Variants in SUMF1 observed in about 807,000 individuals in gnomAD.
The protein encoded by SUMF1 is sulfatase modifying factor 1, also known as formylglycine-generating enzyme.
A neutral mutation model predicts 47.6 loss-of-function variants in SUMF1; 48 were observed. The observed-to-expected ratio is 1.01, with a 90% CI of 0.80 to 1.28. SUMF1 has a LOEUF of 1.28. Ranked by LOEUF, SUMF1 falls within the 50% of genes most tolerant of loss-of-function variation. The pLI is 0.00. For synonymous variants in SUMF1, 230 were observed against 192.1 expected, an observed-to-expected ratio of 1.20 and a Z score of -1.63; for missense variants, 571 against 485.4, an observed-to-expected ratio of 1.18 and a Z score of -1.66.
intron 8 of SUMF1, among the ~76,000 whole-genome samples, chr3:4,202,684 G>C (rs1695566093): frequency 6.6e-6 from 1 of 151,936 alleles, no homozygotes; most frequent in African/African-American, 2.4e-5. Context: ...TGAATCTGTA[G>C]ATTGCTTTGA....
intron 8 of SUMF1, among the ~76,000 whole-genome samples, chr3:4,124,329 TAGG>T (rs1258181290): frequency 6.6e-6 from 1 of 152,142 alleles, no homozygotes; most frequent in Admixed American, 6.5e-5. Flanking sequence ...TCTTGGAAAG[TAGG>T]AGAAGATAAT....
At chr3:4,137,761 C>T (rs1693976160) in intron 8 of SUMF1, among the ~76,000 whole-genome samples, 1 of 152,092 alleles carries the variant, frequency 6.6e-6, no homozygotes, top group Non-Finnish European at 1.5e-5. Context: ...GACAGAGATG[C>T]TCATTCCTAC....
intron 7 of SUMF1, among the ~76,000 whole-genome samples, chr3:4,385,456 C>G (rs1439986702): frequency 6.6e-6 from 1 of 152,002 alleles, no homozygotes; most frequent in African/African-American, 2.4e-5. Context: ...GTCTTCTGCA[C>G]GTGTTCTAAT....
chr3:4,209,268 T>C (rs1458097299), intron 8 of SUMF1, among the ~76,000 whole-genome samples: 1 of 152,190 alleles, frequency 6.6e-6, no homozygotes, highest in Non-Finnish European at 1.5e-5. Flanking sequence ...TTTAAAATCC[T>C]ACATACAAAA....
At chr3:4,173,171 G>T (rs529343301) in intron 8 of SUMF1, among the ~76,000 whole-genome samples, 1 of 152,204 alleles carries the variant, frequency 6.6e-6, no homozygotes, top group East Asian at 1.9e-4. Context: ...GTATATGTGT[G>T]GTGTTATTTC....
intron 8 of SUMF1, among the ~76,000 whole-genome samples, chr3:4,149,398 C>A (rs974655589): frequency 1.3e-5 from 2 of 152,076 alleles, no homozygotes; most frequent in Non-Finnish European, 2.9e-5. Flanking sequence ...CCTTATTCAG[C>A]ATAGGATTCA....
rs910708261 is a variant in SUMF1, at chr3:4,115,198, C to T, written c.1015-46453G>A. On this transcript the variant is annotated intron_variant and NMD_transcript_variant, in intron 8 of 12. Coordinates refer to the SUMF1 transcript ENST00000448413. ...CTCTGGCAGGCCATCAACAGCAGGA[C>T]GACATGGAATTCGGCTGGGGGCAGC... Among the ~76,000 whole-genome samples, 19 of 151,996 alleles carry T rather than the reference C, an allele frequency of 1.3e-4. 1 individual carries two copies. The highest frequency in any genetic ancestry group is 2.6e-4 in the Non-Finnish European group (18 of 68,016).
intron 8 of SUMF1, among the ~76,000 whole-genome samples, chr3:4,308,119 T>C (rs1207217065): frequency 6.6e-6 from 1 of 152,218 alleles, no homozygotes; most frequent in African/African-American, 2.4e-5. Context: ...AAGGTAATAC[T>C]TGATAACTGA....
At chr3:4,288,647 A>G (rs2125052542) in intron 8 of SUMF1, among the ~76,000 whole-genome samples, 1 of 152,160 alleles carries the variant, frequency 6.6e-6, no homozygotes, top group South Asian at 2.1e-4. Context: ...AAAATACAAA[A>G]ATTAGCTGGG....
At chr3:4,169,437 C>T (rs1694781963) in intron 8 of SUMF1, among the ~76,000 whole-genome samples, 1 of 152,060 alleles carries the variant, frequency 6.6e-6, no homozygotes, top group African/African-American at 2.4e-5. Context: ...GAAAAGGGGC[C>T]ATGTGACTGG....
intron 8 of SUMF1, among the ~76,000 whole-genome samples, chr3:4,240,381 C>T (rs1448081573): frequency 6.6e-6 from 1 of 151,950 alleles, no homozygotes; most frequent in Non-Finnish European, 1.5e-5. Context: ...GGTGTGAATC[C>T]ATCTGGTCCT....
chr3:4,353,544 G>A (rs1364069531), intron 8 of SUMF1, among the ~76,000 whole-genome samples: 4 of 152,146 alleles, frequency 2.6e-5, no homozygotes, highest in African/African-American at 4.8e-5. Context: ...GAGTCACTGC[G>A]CCCGGCCTAA....
intron 8 of SUMF1, among the ~76,000 whole-genome samples, chr3:4,130,022 A>C (rs1255442423): frequency 6.6e-6 from 1 of 152,146 alleles, no homozygotes; most frequent in African/African-American, 2.4e-5. Flanking sequence ...TACCTAGAAA[A>C]ATAGTAAATC....
chr3:4,456,686 A>ACG (rs1386635168), intron 1 of SUMF1, among the ~76,000 whole-genome samples: 2 of 135,072 alleles, frequency 1.5e-5, no homozygotes, highest in African/African-American at 6.0e-5. Context: ...GTATATATAT[A>ACG]TGTGTGTATA....
intron 3 of SUMF1, among the ~76,000 whole-genome samples, chr3:4,449,035 C>A (rs762252210): frequency 6.6e-6 from 1 of 152,180 alleles, no homozygotes; most frequent in Non-Finnish European, 1.5e-5. Flanking sequence ...CCTTGGCACA[C>A]AAGACAGAAA....
chr3:4,452,893 T>C lies in SUMF1; in HGVS notation c.427A>G (p.Thr143Ala), dbSNP rs757829905. The change falls in exon 2 of 9, where the codon ACT becomes GCT. Residue 143 changes from threonine to alanine, a missense_variant. Coordinates refer to ENST00000272902, the MANE Select transcript of SUMF1 (RefSeq NM_182760.4). ...CCCATTACCTCTGTCAAATAGCCAG[T>C]TGAGTTCACAAACTTCTCAAATTCA... Reference protein sequence around the residue: ...NTEFEKFVNSTGYLTEAEKFG... With the variant: ...NTEFEKFVNSAGYLTEAEKFG... The C allele has an allele frequency of 3.7e-6, 6 of 1,614,212 alleles. No individual in the cohort carries two copies. The highest frequency in any genetic ancestry group is 1.3e-5 in the African/African-American group (1 of 75,076).
chr3:4,416,995 CGTGCAACA>C, intron 6 of SUMF1, 125 bp downstream of exon 6: 1 of 797,618 alleles, frequency 1.3e-6, no homozygotes. Context: ...GTATTTGCTA[CGTGCAACA>C]GTGAATGCAT....
intron 8 of SUMF1, among the ~76,000 whole-genome samples, chr3:4,115,735 A>G (rs1400633400): frequency 6.6e-6 from 1 of 152,146 alleles, no homozygotes; most frequent in East Asian, 1.9e-4. Flanking sequence ...TATTCTTTGC[A>G]TGTTTGAGTC....
intron 8 of SUMF1, among the ~76,000 whole-genome samples, chr3:4,302,799 G>T (rs1023992112): frequency 6.6e-6 from 1 of 152,136 alleles, no homozygotes; most frequent in South Asian, 2.1e-4. Flanking sequence ...CCTTTGGCAG[G>T]GCAGGGGTTT....
Sources: allele counts gnomAD v4.1 joint callset (sites outside exome capture counted in the v4.1 genomes callset), GRCh38; gene constraint gnomAD v4.1.1; transcripts MANE v1.5; gene names NCBI Gene and HGNC (gene_info 2026-07-23, HGNC 2026-07-21).